Variants in DNAH17 observed in about 807,000 individuals in gnomAD.
DNAH17 encodes axonemal beta dynein heavy chain 17.
A neutral mutation model predicts 485.6 loss-of-function variants in DNAH17; 376 were observed. The ratio of observed to expected loss-of-function variants is 0.77; its 90% CI spans 0.71 to 0.84. The LOEUF (loss-of-function observed/expected upper bound fraction) is 0.84. Ranked by LOEUF, DNAH17 falls within the 40% of genes least tolerant of loss-of-function variation. DNAH17 has a pLI of 0.00. For synonymous variants in DNAH17, 3,031 were observed against 2,405.9 expected (o/e 1.26, Z -7.60); for missense variants, 6,370 against 5,839.3 (o/e 1.09, Z -2.96).
chr17:78,517,350 G>GA (rs1299114243), intron 25 of DNAH17, among the ~76,000 whole-genome samples: 1 of 152,152 alleles, frequency 6.6e-6, no homozygotes, highest in Non-Finnish European at 1.5e-5. Flanking sequence ...GGCCGGATTT[G>GA]AAAAAAGTTC....
intron 19 of DNAH17, among the ~76,000 whole-genome samples, chr17:78,534,848 G>C (rs184677612): frequency 1.3e-5 from 2 of 152,164 alleles, no homozygotes; most frequent in East Asian, 3.9e-4. Context: ...TCTCCTCCTT[G>C]TCCTGACCCA....
chr17:78,558,357 C>T (rs910838886), intron 13 of DNAH17, 103 bp from the exon 14 acceptor site: 29 of 1,395,258 alleles, frequency 2.1e-5, no homozygotes, highest in African/African-American at 7.3e-5. Flanking sequence ...TTTTGACAGC[C>T]GGGGGGGATC....
At chr17:78,433,036 C>A (rs1402830683) in intron 75 of DNAH17, among the ~76,000 whole-genome samples, 2 of 152,110 alleles carry the variant, frequency 1.3e-5, no homozygotes, top group Non-Finnish European at 2.9e-5. Context: ...CTTCCCATCC[C>A]CCTCCCAGTC....
At chr17:78,562,085 T>C (rs2092170063) in intron 11 of DNAH17, 105 bp from the exon 12 acceptor site, 1 of 1,348,026 alleles carries the variant, frequency 7.4e-7, no homozygotes, top group Middle Eastern at 2.5e-4. Context: ...AGTGAGAGAA[T>C]GTGTACCTTG....
In DNAH17 at chr17:78,486,332, G is replaced by C; in HGVS notation, c.6993C>G (p.Cys2331Trp). The C allele has an allele frequency of 6.2e-7, 1 of 1,613,752 alleles. No homozygotes were observed. The highest frequency in any genetic ancestry group is 8.5e-7 in the Non-Finnish European group (1 of 1,179,736). The change falls in exon 45 of 81, where the codon TGC (cysteine) becomes TGG (tryptophan). Residue 2331 changes from cysteine (C) to tryptophan (W), a missense_variant. By Grantham distance (215) the Cys-to-Trp change is radical (BLOSUM62 -2). Transcript: ENST00000389840. ...GGGGCACGGTCTTCTCCGTGAGCAG[G>C]CACTCCAGCAGGTACAGAATCGTTT... ...VIQTILYLLECLLTEKTVPPD... is the reference protein window; with the variant it reads ...VIQTILYLLEWLLTEKTVPPD...
At chr17:78,542,996 G>A (rs932420025) in intron 17 of DNAH17, among the ~76,000 whole-genome samples, 1 of 152,228 alleles carries the variant, frequency 6.6e-6, no homozygotes, top group Non-Finnish European at 1.5e-5. Context: ...TGTGCTGGGC[G>A]AGGGCTCTGG....
chr17:78,424,610 GTTT>G lies in DNAH17; in HGVS notation c.13142-460_13142-458del, dbSNP rs138520695. 379 of 155,934 alleles carry G rather than the reference GTTT, an allele frequency of 2.4e-3. 14 individuals carry two copies. The East Asian group carries it at 0.05, about 21-fold the overall frequency. 9.7% of individuals were successfully genotyped at this position (155,934 alleles called of 1,614,324 possible). ...ATTTCTACTCGCCCTATTTAATGGT[GTTT>G]TTATTTCCTGTCTGAAATCTCAAAA... On this transcript the variant is annotated intron_variant, in intron 80 of 80. Coordinates refer to ENST00000389840, the MANE Select transcript of DNAH17 (RefSeq NM_173628.4).
At chr17:78,538,033 C>G (rs1279985573) in intron 18 of DNAH17, among the ~76,000 whole-genome samples, 1 of 149,894 alleles carries the variant, frequency 6.7e-6, no homozygotes, top group Non-Finnish European at 1.5e-5. Context: ...CCCAGCTACT[C>G]GGGAGGCTGA....
At chr17:78,439,949 T>G (rs2087004593) in intron 72 of DNAH17, among the ~76,000 whole-genome samples, 1 of 151,792 alleles carries the variant, frequency 6.6e-6, no homozygotes, top group Non-Finnish European at 1.5e-5. Flanking sequence ...GGATTATGGG[T>G]GTGAGCCACT....
intron 37 of DNAH17, among the ~76,000 whole-genome samples, chr17:78,497,604 C>T (rs562598784): frequency 6.6e-6 from 1 of 152,236 alleles, no homozygotes; most frequent in Admixed American, 6.5e-5. Flanking sequence ...AGGGTCCCCA[C>T]GGTAACAGCC....
intron 15 of DNAH17, among the ~76,000 whole-genome samples, chr17:78,552,481 C>A (rs2091923591): frequency 1.3e-5 from 2 of 151,028 alleles, no homozygotes; most frequent in African/African-American, 4.9e-5. Flanking sequence ...GGAGTCTTTG[C>A]CGGATTCCGT....
chr17:78,439,097 A>G lies in DNAH17; in HGVS notation c.11798T>C (p.Ile3933Thr). Residue 3933 changes from isoleucine (I) to threonine (T), a missense_variant, in exon 73 of 81, where the codon ATT becomes ACT. Ile to Thr is a moderately conservative substitution (Grantham distance 89). Coordinates refer to ENST00000389840, the MANE Select transcript of DNAH17 (RefSeq NM_173628.4). ...DVAAEKGHWV[I>T]LQNIHLVARW... is the part of the protein sequence containing the mutation. ...GTGCTGGCCCCCTCGTACCTGCAGA[A>G]TGACCCAGTGTCCTTTCTCTGCAGC... The G allele has an allele frequency of 6.2e-7, 1 of 1,613,284 alleles. No individual in the cohort carries two copies. The highest frequency in any genetic ancestry group is 1.1e-5 in the South Asian group (1 of 91,036).
chr17:78,571,184 G>A, intron 5 of DNAH17, 95 bp downstream of exon 5: 2 of 1,317,752 alleles, frequency 1.5e-6, no homozygotes, highest in Non-Finnish European at 2.1e-6. Flanking sequence ...CGCAGAGGGA[G>A]GCCAACATCC....
chr17:78,563,357 G>A (rs1413924829), intron 11 of DNAH17, among the ~76,000 whole-genome samples: 2 of 151,970 alleles, frequency 1.3e-5, no homozygotes, highest in African/African-American at 4.8e-5. Context: ...GACGTATGAG[G>A]TCACCAGTTT....
chr17:78,554,176 C>A (rs1598717024), intron 14 of DNAH17, among the ~76,000 whole-genome samples: 1 of 152,024 alleles, frequency 6.6e-6, no homozygotes, highest in Admixed American at 6.6e-5. Flanking sequence ...TCAGTGTTAA[C>A]AATAGTATAG....
intron 73 of DNAH17, among the ~76,000 whole-genome samples, chr17:78,438,425 AAGG>A (rs142149972): frequency 2.3e-3 from 12 of 5,134 alleles, no homozygotes; most frequent in East Asian, 6.3e-3. Flanking sequence ...AAGTGAGGAG[AAGG>A]AGGAGGAGGA....
chr17:78,424,639 TAAAC>T (rs993696903), intron 80 of DNAH17: 4 of 155,400 alleles, frequency 2.6e-5, no homozygotes, highest in South Asian at 2.0e-4. Flanking sequence ...AATCTCAAAA[TAAAC>T]AAACATGGAG....
At chr17:78,485,176 G>T in intron 47 of DNAH17, 143 bp from the exon 48 acceptor site, 1 of 1,135,528 alleles carries the variant, frequency 8.8e-7, no homozygotes, top group Non-Finnish European at 1.2e-6. Flanking sequence ...CCTGCCCTGG[G>T]AGTGGCCCTT....
intron 11 of DNAH17, among the ~76,000 whole-genome samples, chr17:78,563,101 T>C (rs952751012): frequency 6.6e-6 from 1 of 152,258 alleles, no homozygotes; most frequent in African/African-American, 2.4e-5. Flanking sequence ...GGGAGATTTT[T>C]CAGGCCCCCA....
Sources: gnomAD v4.1 joint callset for allele counts (sites outside exome capture counted in the v4.1 genomes callset) on GRCh38, gnomAD v4.1.1 for gene constraint, MANE v1.5 for transcripts, NCBI Gene and HGNC (gene_info 2026-07-23, HGNC 2026-07-21) for gene names.